KIF16B: variants seen among roughly 807,000 people sequenced by gnomAD.
KIF16B encodes kinesin family member 16B.
In KIF16B, 98 loss-of-function variants were observed where a neutral mutation model predicts 156.3. The observed-to-expected ratio is 0.63, with a 90% CI of 0.53 to 0.74. The LOEUF (loss-of-function observed/expected upper bound fraction) is 0.74. Ranked by LOEUF, KIF16B falls within the 30% of genes least tolerant of loss-of-function variation. The probability of loss-of-function intolerance (pLI) is 0.00; values close to 1 mark genes in which losing one functional copy is unlikely to be tolerated. For missense variants in KIF16B, 1,421 were observed against 1,606.5 expected (o/e 0.88, Z 1.97); for synonymous variants, 564 against 583.7 (o/e 0.97, Z 0.49).
At chr20:16,325,655 C>T (rs1350778545) in intron 24 of KIF16B, among the ~76,000 whole-genome samples, 2 of 151,192 alleles carry the variant, frequency 1.3e-5, no homozygotes, top group Non-Finnish European at 3.0e-5. Context: ...ATGACACAAA[C>T]AAATGGAAAC....
chr20:16,371,537 C>G, intron 21 of KIF16B, 128 bp downstream of exon 21: 1 of 593,638 alleles, frequency 1.7e-6, no homozygotes, highest in South Asian at 2.1e-5. Context: ...TTGCAGTGAG[C>G]CAAGATGGTG....
At chr20:16,504,937 A>AC (rs2068730444) in intron 9 of KIF16B, among the ~76,000 whole-genome samples, 6 of 152,042 alleles carry the variant, frequency 3.9e-5, no homozygotes, top group Admixed American at 3.9e-4. Flanking sequence ...GGAAAAAAAA[A>AC]CAGAATATGA....
intron 3 of KIF16B, among the ~76,000 whole-genome samples, chr20:16,523,022 T>C (rs910994596): frequency 1.3e-5 from 2 of 152,154 alleles, no homozygotes; most frequent in Non-Finnish European, 2.9e-5. Context: ...TAGGTATTGA[T>C]GGAAGGTATC....
intron 25 of KIF16B, among the ~76,000 whole-genome samples, chr20:16,309,713 T>G (rs554935794): frequency 6.6e-6 from 1 of 152,042 alleles, no homozygotes; most frequent in Admixed American, 6.5e-5. Flanking sequence ...GTTCAGAAAG[T>G]TGCATTTCTG....
At chr20:16,403,878 A>G (rs1282228400) in intron 17 of KIF16B, among the ~76,000 whole-genome samples, 2 of 152,184 alleles carry the variant, frequency 1.3e-5, no homozygotes, top group African/African-American at 4.8e-5. Context: ...GCAATGGAAA[A>G]TGGAACCAGT....
At position 16,512,889 on chromosome 20, in the gene KIF16B, C is replaced by T; in HGVS notation, c.383G>A (p.Gly128Glu). ...DSGLIPRICE[G>E]LFSRINETTR... ...GGTTTCATTTATCCGACTGAAGAGTCCTTCACAGATCCGAGGTATTAAGCC... is the reference window on the plus strand; with the variant it reads ...GGTTTCATTTATCCGACTGAAGAGTTCTTCACAGATCCGAGGTATTAAGCC... Residue 128 changes from glycine (G) to glutamate (E), a missense_variant, in exon 5 of 26, where the codon GGA (glycine) becomes GAA (glutamate). Gly to Glu is a moderately conservative substitution (Grantham distance 98). Coordinates refer to ENST00000354981, the MANE Select transcript of KIF16B (RefSeq NM_024704.5). 1.2e-6 allele frequency: 2 copies of T among 1,613,484 alleles called. No individual in the cohort carries two copies. The highest frequency in any genetic ancestry group is 1.7e-5 in the Admixed American group (1 of 60,026).
chr20:16,382,196 T>A, intron 17 of KIF16B: 4 of 1,058,614 alleles, frequency 3.8e-6, no homozygotes, highest in Non-Finnish European at 3.9e-6. Flanking sequence ...AAGGAAAGCA[T>A]TTAATAGGAA....
At chr20:16,423,555 G>A (rs1350909768) in intron 15 of KIF16B, among the ~76,000 whole-genome samples, 1 of 152,076 alleles carries the variant, frequency 6.6e-6, no homozygotes, top group African/African-American at 2.4e-5. Flanking sequence ...TAATGATTTT[G>A]AAAACCAGTA....
At chr20:16,439,968 A>C (rs2066749136) in intron 12 of KIF16B, among the ~76,000 whole-genome samples, 1 of 152,184 alleles carries the variant, frequency 6.6e-6, no homozygotes, top group South Asian at 2.1e-4. Flanking sequence ...ATCAGAGATG[A>C]ACAAGGTCCC....
chr20:16,291,094 T>C (rs1202447060), intron 25 of KIF16B, among the ~76,000 whole-genome samples: 12 of 152,182 alleles, frequency 7.9e-5, no homozygotes, highest in Non-Finnish European at 5.9e-5. Flanking sequence ...GTTGAACAAA[T>C]GATGCAATGA....
intron 15 of KIF16B, among the ~76,000 whole-genome samples, chr20:16,420,267 T>C (rs1197339461): frequency 2.6e-5 from 4 of 152,284 alleles, no homozygotes; most frequent in Non-Finnish European, 5.9e-5. Context: ...AAACAGTTTA[T>C]GCAATCTGAC....
chr20:16,551,132 C>CTTCT (rs55770608), intron 1 of KIF16B, among the ~76,000 whole-genome samples: 5,186 of 139,094 alleles, frequency 0.037, 156 homozygotes, highest in Middle Eastern at 0.082. Flanking sequence ...GCTTTCTCTT[C>CTTCT]TTTTTTTTTT....
At chr20:16,459,248 C>G (rs145152634) in intron 12 of KIF16B, among the ~76,000 whole-genome samples, 1 of 152,220 alleles carries the variant, frequency 6.6e-6, no homozygotes, top group East Asian at 1.9e-4. Flanking sequence ...TAGTCCCTGA[C>G]CTCAAGAAGT....
intron 22 of KIF16B, chr20:16,367,249 A>C (rs1228338820): frequency 1.2e-6 from 2 of 1,612,870 alleles, no homozygotes; most frequent in East Asian, 2.2e-5. Flanking sequence ...TTGAAGATAC[A>C]ATGGGGTGGT....
intron 25 of KIF16B, among the ~76,000 whole-genome samples, chr20:16,278,273 T>C (rs990137058): frequency 6.6e-6 from 1 of 151,742 alleles, no homozygotes; most frequent in Non-Finnish European, 1.5e-5. Context: ...GAGGTGGAAA[T>C]GAAAAGGAAA....
intron 12 of KIF16B, among the ~76,000 whole-genome samples, chr20:16,454,335 T>C (rs997876008): frequency 4.0e-5 from 6 of 149,984 alleles, no homozygotes; most frequent in African/African-American, 1.5e-4. Flanking sequence ...TTTTAAATTT[T>C]AGGATTTAAA....
intron 25 of KIF16B, among the ~76,000 whole-genome samples, chr20:16,311,969 C>T (rs923760802): frequency 6.6e-6 from 1 of 152,192 alleles, no homozygotes; most frequent in African/African-American, 2.4e-5. Context: ...TGATGTAATA[C>T]TATAAATTTT....
At chr20:16,337,803 C>T (rs1223521941) in intron 23 of KIF16B, among the ~76,000 whole-genome samples, 1 of 152,222 alleles carries the variant, frequency 6.6e-6, no homozygotes, top group Non-Finnish European at 1.5e-5. Context: ...TGGCTGGACA[C>T]AAACCAGGTG....
chr20:16,335,770 T>G (rs1465490475), intron 24 of KIF16B, among the ~76,000 whole-genome samples, 156 bp downstream of exon 24: 1 of 152,208 alleles, frequency 6.6e-6, no homozygotes, highest in African/African-American at 2.4e-5. Flanking sequence ...TAAAGTTATC[T>G]TTGATAAATG....
Sources: gnomAD v4.1 joint callset for allele counts (sites outside exome capture counted in the v4.1 genomes callset) on GRCh38, gnomAD v4.1.1 for gene constraint, MANE v1.5 for transcripts, NCBI Gene and HGNC (gene_info 2026-07-23, HGNC 2026-07-21) for gene names.